Variants in ANKRD28 observed in about 807,000 individuals in gnomAD.
ANKRD28 encodes serine/threonine-protein phosphatase 6 regulatory ankyrin repeat subunit A.
ANKRD28 carries 44 observed loss-of-function variants against 126.5 expected under a neutral mutation model. The ratio of observed to expected loss-of-function variants is 0.35; its 90% CI spans 0.27 to 0.45. The LOEUF (loss-of-function observed/expected upper bound fraction) is 0.45, where lower values mean the gene tolerates loss of function less well. Ranked by LOEUF, ANKRD28 falls within the 20% of genes least tolerant of loss-of-function variation. The pLI, the probability that ANKRD28 is intolerant of heterozygous loss-of-function variation, is 1.00. For missense variants in ANKRD28, 1,110 were observed against 1,316.6 expected (o/e 0.84, Z 2.43); for synonymous variants, 442 against 468.5 (o/e 0.94, Z 0.73).
chr3:15,707,430 C>T (rs1190139813), intron 14 of ANKRD28, among the ~76,000 whole-genome samples: 1 of 152,206 alleles, frequency 6.6e-6, no homozygotes, highest in Non-Finnish European at 1.5e-5. Flanking sequence ...ACATGTAGTA[C>T]CTACTACGTA....
intron 1 of ANKRD28, among the ~76,000 whole-genome samples, chr3:15,811,557 C>G (rs970206468): frequency 6.6e-5 from 10 of 152,000 alleles, no homozygotes; most frequent in Admixed American, 5.9e-4. Flanking sequence ...TGGGTTCAAG[C>G]GATTCTCCTG....
intron 2 of ANKRD28, among the ~76,000 whole-genome samples, chr3:15,773,294 A>T (rs2059106028): frequency 6.6e-6 from 1 of 152,220 alleles, no homozygotes; most frequent in Non-Finnish European, 1.5e-5. Flanking sequence ...AAGAGAAAGA[A>T]GGAAAATAAA....
At chr3:15,840,560 AC>A (rs1455359103) in intron 1 of ANKRD28, among the ~76,000 whole-genome samples, 2 of 152,246 alleles carry the variant, frequency 1.3e-5, no homozygotes, top group Non-Finnish European at 2.9e-5. Flanking sequence ...TTTATATGGA[AC>A]AACAAAAGAC....
intron 24 of ANKRD28, among the ~76,000 whole-genome samples, chr3:15,677,806 A>C (rs1417692194): frequency 6.6e-6 from 1 of 152,170 alleles, no homozygotes; most frequent in Non-Finnish European, 1.5e-5. Context: ...CTGTGCACTA[A>C]ATTTTAAATA....
At chr3:15,803,670 A>AGGAACAAAGGGAGAAAAACTACTCTGT (rs1209960528) in intron 1 of ANKRD28, among the ~76,000 whole-genome samples, 9 of 146,644 alleles carry the variant, frequency 6.1e-5, no homozygotes, top group East Asian at 2.9e-4. Flanking sequence ...GGACATGTTA[A>AGGAACAAAGGGAGAAAAACTACTCTGT]TAGACTGGCT....
At chr3:15,765,888 A>G (rs1457884499) in intron 3 of ANKRD28, among the ~76,000 whole-genome samples, 1 of 151,496 alleles carries the variant, frequency 6.6e-6, no homozygotes, top group Non-Finnish European at 1.5e-5. Flanking sequence ...CCCGCTACAT[A>G]TAATGCTTAT....
chr3:15,699,060 A>C (rs1380175946), intron 14 of ANKRD28, among the ~76,000 whole-genome samples: 1 of 152,238 alleles, frequency 6.6e-6, no homozygotes, highest in African/African-American at 2.4e-5. Flanking sequence ...ACAATGGAAC[A>C]GAACAGAGGC....
At chr3:15,810,366 G>A (rs188807771) in intron 1 of ANKRD28, among the ~76,000 whole-genome samples, 1 of 151,510 alleles carries the variant, frequency 6.6e-6, no homozygotes, top group Non-Finnish European at 1.5e-5. Context: ...TGAGACATAA[G>A]AAAATAATGT....
chr3:15,802,697 T>C (rs549336301), upstream of ANKRD28, among the ~76,000 whole-genome samples: 30 of 152,188 alleles, frequency 2.0e-4, no homozygotes, highest in Non-Finnish European at 3.4e-4. Flanking sequence ...GAGAAAGAGA[T>C]GGAAACAGTT....
chr3:15,675,365 A>T (rs1381116033), intron 27 of ANKRD28, among the ~76,000 whole-genome samples: 3 of 152,196 alleles, frequency 2.0e-5, no homozygotes, highest in Non-Finnish European at 4.4e-5. Flanking sequence ...AAGGGGACAG[A>T]GAAATATGGC....
At chr3:15,748,253 T>A (rs1353593408) in intron 4 of ANKRD28, among the ~76,000 whole-genome samples, 1 of 152,304 alleles carries the variant, frequency 6.6e-6, no homozygotes, top group Non-Finnish European at 1.5e-5. Flanking sequence ...CCTGAATACC[T>A]TTTTTTAAAA....
intron 21 of ANKRD28, among the ~76,000 whole-genome samples, chr3:15,681,595 G>A (rs1388217205): frequency 6.6e-6 from 1 of 152,168 alleles, no homozygotes; most frequent in East Asian, 1.9e-4. Flanking sequence ...GCCTACCAAA[G>A]TGATGTTATA....
intron 14 of ANKRD28, among the ~76,000 whole-genome samples, chr3:15,705,179 T>C (rs996780607): frequency 6.6e-6 from 1 of 152,186 alleles, no homozygotes; most frequent in South Asian, 2.1e-4. Context: ...ATAAAAGTCA[T>C]TGCTTACTTG....
chr3:15,706,125 T>C (rs940928349), intron 14 of ANKRD28, among the ~76,000 whole-genome samples: 3 of 152,058 alleles, frequency 2.0e-5, no homozygotes, highest in Non-Finnish European at 4.4e-5. Context: ...TGTTCTAGAG[T>C]ACCTGTGCAC....
At chr3:15,829,154 C>T (rs1182129184) in intron 1 of ANKRD28, among the ~76,000 whole-genome samples, 1 of 152,082 alleles carries the variant, frequency 6.6e-6, no homozygotes, top group Non-Finnish European at 1.5e-5. Flanking sequence ...ATCAAAACTA[C>T]CGAATTGCTT....
upstream of ANKRD28, chr3:15,798,157 C>G: frequency 1.0e-6 from 1 of 985,400 alleles, no homozygotes; most frequent in Non-Finnish European, 1.2e-6. Context: ...ACAAGGAAAT[C>G]TGGTGTACTG....
At chr3:15,722,447 T>C (rs1247850707) in intron 7 of ANKRD28, among the ~76,000 whole-genome samples, 1 of 152,222 alleles carries the variant, frequency 6.6e-6, no homozygotes, top group Non-Finnish European at 1.5e-5. Context: ...CTCTATCCTA[T>C]GTGTCTCTTC....
chr3:15,781,896 G>A (rs566098191), intron 2 of ANKRD28, among the ~76,000 whole-genome samples: 1 of 152,216 alleles, frequency 6.6e-6, no homozygotes, highest in African/African-American at 2.4e-5. Context: ...CCAAAGATCT[G>A]CAGAATCTCG....
intron 7 of ANKRD28, 58 bp downstream of exon 7, chr3:15,724,324 T>C (rs887481389): frequency 5.8e-6 from 8 of 1,385,356 alleles, no homozygotes; most frequent in African/African-American, 1.5e-5. Context: ...TTGTCAATAA[T>C]GTAATAGTAA....
Sources: gnomAD v4.1 joint callset for allele counts (sites outside exome capture counted in the v4.1 genomes callset) on GRCh38, gnomAD v4.1.1 for gene constraint, MANE v1.5 for transcripts, NCBI Gene and HGNC (gene_info 2026-07-23, HGNC 2026-07-21) for gene names.